Variants in MAPK9 observed in about 807,000 individuals in gnomAD.
MAPK9 encodes Jun kinase.
MAPK9 carries 30 observed loss-of-function variants against 57.1 expected under a neutral mutation model. The ratio of observed to expected loss-of-function variants is 0.53; its 90% CI spans 0.39 to 0.71. The LOEUF (loss-of-function observed/expected upper bound fraction) is 0.71, where lower values mean the gene tolerates loss of function less well. Among genes scored for constraint, MAPK9 ranks in the 30% least tolerant of loss-of-function variants. MAPK9 has a pLI of 0.00. For missense variants in MAPK9, 362 were observed against 521.0 expected, an observed-to-expected ratio of 0.69 and a Z score of 2.97; for synonymous variants, 155 against 177.0, an observed-to-expected ratio of 0.88 and a Z score of 0.99.
chr5:180,282,069 T>C (rs1419402671), intron 1 of MAPK9, among the ~76,000 whole-genome samples: 1 of 152,180 alleles, frequency 6.6e-6, no homozygotes, highest in African/African-American at 2.4e-5. Flanking sequence ...TGCTCTAAGC[T>C]ATAGGAGGTG....
chr5:180,236,439 G>A lies in MAPK9; in HGVS notation c.1220C>T (p.Ser407Leu), dbSNP rs1757178780. ...SSMSTEQTLA[S>L]DTDSSLDAST... ...GGCATCAAGACTGCTGTCTGTGTCT[G>A]AGGCCAGCGTCTGCTCAGTGGACAT... Residue 407 changes from serine (S) to leucine (L), a missense_variant, in exon 12 of 12, where the codon TCA (serine) becomes TTA (leucine). By Grantham distance (145) the Ser-to-Leu change is moderately radical. Transcript: ENST00000452135. 2 of 1,613,862 alleles carry A rather than the reference G, an allele frequency of 1.2e-6. No individual in the cohort carries two copies. Among genetic ancestry groups the A allele is most frequent in the Non-Finnish European group, 1.7e-6 (2 of 1,179,804 alleles).
chr5:180,280,523 C>T lies in MAPK9; in HGVS notation c.39G>A (p.Val13=). The part of the protein sequence containing the change: ...DSKCDSQFYS[V]QVADSTFTVL... ...CAGTGAAGGTTGAGTCTGCCACTTGCACACTATAAAACTGACTGTCACATT... is the reference window on the plus strand; with the variant it reads ...CAGTGAAGGTTGAGTCTGCCACTTGTACACTATAAAACTGACTGTCACATT... The change falls in exon 2 of 12, where the codon GTG becomes GTA. Residue 13 remains valine, a synonymous_variant. Transcript: ENST00000452135. 6.2e-7 allele frequency: 1 copy of T among 1,614,234 alleles called. No homozygotes were observed. The highest frequency in any genetic ancestry group is 8.5e-7 in the Non-Finnish European group (1 of 1,180,050).
intron 2 of MAPK9, among the ~76,000 whole-genome samples, chr5:180,278,556 TG>T: frequency 6.6e-6 from 1 of 152,158 alleles, no homozygotes; most frequent in African/African-American, 2.4e-5. Context: ...AAAAATTAGC[TG>T]GGTGTGGTGG....
intron 5 of MAPK9, among the ~76,000 whole-genome samples, chr5:180,259,983 G>A (rs558609985): frequency 2.6e-5 from 4 of 152,334 alleles, no homozygotes; most frequent in Admixed American, 1.3e-4. Context: ...GAGGAAAACC[G>A]TATAATTTAC....
Position 180,247,877 on chromosome 5 carries a change from T to C in MAPK9, c.617-367A>G. 1 of 1,614,136 alleles carries C rather than the reference T, an allele frequency of 6.2e-7. No individual in the cohort carries two copies. The highest frequency in any genetic ancestry group is 8.5e-7 in the Non-Finnish European group (1 of 1,180,006). ...TACAGTCTCTTCCCGGGAACAGGAC[T>C]TTATGGAGGACCATTTCTGCCATGA... On this transcript the variant is annotated intron_variant, in intron 6 of 11. Coordinates refer to ENST00000452135, the MANE Select transcript of MAPK9 (RefSeq NM_002752.5). The surrounding 1 kb of genome is among the most constrained non-coding windows in gnomAD (Gnocchi z 4.5).
In MAPK9 at chr5:180,235,428, A is replaced by G. The variant is rs904226359; in HGVS notation, c.*956T>C. The G allele has an allele frequency of 2.6e-5, 4 of 152,268 alleles. No individual in the cohort carries two copies. Among genetic ancestry groups the G allele is most frequent in the African/African-American group, 9.6e-5 (4 of 41,456 alleles). 9.4% of individuals were successfully genotyped at this position (152,268 alleles called of 1,614,324 possible). On this transcript the variant is annotated 3_prime_UTR_variant, in exon 12 of 12. Transcript: ENST00000452135. ...CTGTGGCAAAGGAAGCACTTAGGAA[A>G]TGACTGCAGTGATCTCTAGTGAGCA...
intron 10 of MAPK9, 108 bp from the exon 11 acceptor site, chr5:180,238,511 ATT>A: frequency 1.3e-6 from 1 of 772,918 alleles, no homozygotes; most frequent in African/African-American, 1.7e-5. Flanking sequence ...GCGATTTGTT[ATT>A]TTTAATTGTA....
rs1758208016 is a variant in MAPK9, at chr5:180,247,303, C to T, written c.688+136G>A. 1 of 872,232 alleles carries T rather than the reference C, an allele frequency of 1.1e-6. No individual in the cohort carries two copies. 54.0% of individuals were successfully genotyped at this position (872,232 alleles called of 1,614,324 possible). A position where few individuals can be genotyped will look rare whatever the true frequency, so the allele number is the denominator to read the frequency against. On this transcript the variant is annotated intron_variant, in intron 7 of 11. Coordinates refer to ENST00000452135, the MANE Select transcript of MAPK9 (RefSeq NM_002752.5). The surrounding 1 kb of genome is among the most constrained non-coding windows in gnomAD (Gnocchi z 4.5). The stretch of plus-strand genomic sequence containing the variant: ...GGCTTGTGACACTAATTAACAAATA[C>T]AGTAAAGCCCCCCTTAGAACACAGT...
rs773766477 is a variant in MAPK9 at position 180,251,409 on chromosome 5, C to T, written c.451-2271G>A. Among the ~76,000 whole-genome samples, 75 of 152,218 alleles carry T rather than the reference C, an allele frequency of 4.9e-4. 1 individual carries two copies. Among genetic ancestry groups the T allele is most frequent in the Admixed American group, 3.0e-3 (46 of 15,290 alleles). ...AACCCCAGTGCGCCAGAAACACGCT[C>T]ATCTGAAGACACTGCCATCTGTCAA... On this transcript the variant is annotated intron_variant, in intron 5 of 11. Transcript: ENST00000452135.
chr5:180,278,912 C>A (rs1213301352), intron 2 of MAPK9, among the ~76,000 whole-genome samples: 1 of 151,900 alleles, frequency 6.6e-6, no homozygotes, highest in East Asian at 1.9e-4. Context: ...CTTTCCATTA[C>A]CATCAAAGTT....
At chr5:180,237,324 ATG>A (rs1033185185) in intron 11 of MAPK9, 13 of 151,160 alleles carry the variant, frequency 8.6e-5, no homozygotes, top group Non-Finnish European at 1.6e-4. Context: ...ATCCGCACAC[ATG>A]TGTGTGCATG....
Position 180,236,205 on chromosome 5 carries a change from T to C in MAPK9, c.*179A>G, listed in dbSNP as rs1757159344. 2 of 576,286 alleles carry C rather than the reference T, an allele frequency of 3.5e-6. No individual in the cohort carries two copies. The highest frequency in any genetic ancestry group is 3.3e-5 in the East Asian group (1 of 30,082). The allele number at this position is 576,286 out of a possible 1,614,324, so 35.7% of individuals were successfully genotyped here. A position where few individuals can be genotyped will look rare whatever the true frequency, so the allele number is the denominator to read the frequency against. ...CTTGCAATTTTTTTCTTCAGACATATTCTGCCTCATTTTATCATCTAAGCA... is the reference window on the plus strand; with the variant it reads ...CTTGCAATTTTTTTCTTCAGACATACTCTGCCTCATTTTATCATCTAAGCA... On this transcript the variant is annotated 3_prime_UTR_variant, in exon 12 of 12. Transcript: ENST00000452135.
At chr5:180,238,545 A>G (rs902442127) in intron 10 of MAPK9, 142 bp from the exon 11 acceptor site, 6 of 597,190 alleles carry the variant, frequency 1.0e-5, no homozygotes, top group African/African-American at 1.9e-5. Context: ...ATTCAGTAAT[A>G]TAGTCTACCT....
intron 5 of MAPK9, chr5:180,258,055 C>T (rs1168712087): frequency 6.6e-6 from 1 of 152,312 alleles, no homozygotes; most frequent in Non-Finnish European, 1.5e-5. Context: ...TAACAGGCCT[C>T]ATAAATGTAA....
Position 180,280,421 on chromosome 5 carries a change from T to C in MAPK9, c.122+19A>G, listed in dbSNP as rs1241491960. ...ACAGCAAAAACTCAATCCACGCTAT[T>C]AAAACAGACCATACTTACCAAACAA... is the stretch of plus-strand genomic sequence containing the variant. On this transcript the variant is annotated intron_variant, in intron 2 of 11. Transcript: ENST00000452135. The C allele has an allele frequency of 6.2e-7, 1 of 1,611,540 alleles. No homozygotes were observed. The highest frequency in any genetic ancestry group is 2.2e-5 in the East Asian group (1 of 44,854).
chr5:180,252,933 C>T (rs530549258), intron 5 of MAPK9, among the ~76,000 whole-genome samples: 10 of 152,300 alleles, frequency 6.6e-5, no homozygotes, highest in Admixed American at 1.3e-4. Flanking sequence ...GAACCATGGG[C>T]GCCACAGGAA....
At position 180,248,868 on chromosome 5, in the gene MAPK9, C is replaced by T. The variant is rs796590257; in HGVS notation, c.616+105G>A. 11 of 1,166,998 alleles carry T rather than the reference C, an allele frequency of 9.4e-6. No individual in the cohort carries two copies. In the African/African-American group the frequency reaches 1.6e-4, roughly 17 times the overall value. 72.3% of individuals were successfully genotyped at this position (1,166,998 alleles called of 1,614,324 possible). ...ATGCTATATTCTGGGTGTAACAGTC[C>T]CCACAGTATATATCATATGGTTCAA... On this transcript the variant is annotated intron_variant, in intron 6 of 11. Transcript: ENST00000452135.
intron 5 of MAPK9, among the ~76,000 whole-genome samples, chr5:180,259,456 T>C (rs565989938): frequency 6.6e-5 from 10 of 151,976 alleles, no homozygotes; most frequent in Non-Finnish European, 1.3e-4. Flanking sequence ...GAGAAACCCT[T>C]TGACTGTAAG....
intron 1 of MAPK9, among the ~76,000 whole-genome samples, chr5:180,282,961 C>T (rs1047878634): frequency 6.6e-6 from 1 of 152,032 alleles, no homozygotes; most frequent in East Asian, 1.9e-4. Context: ...TAGGGACTTG[C>T]TGGGTAGAGG....
Sources: allele counts gnomAD v4.1 joint callset (sites outside exome capture counted in the v4.1 genomes callset), GRCh38; gene constraint gnomAD v4.1.1; non-coding constraint Gnocchi (gnomAD v3.1); transcripts MANE v1.5; gene names NCBI Gene and HGNC (gene_info 2026-07-23, HGNC 2026-07-21).